Variants in ATP9A observed in about 807,000 individuals in gnomAD.
The protein encoded by ATP9A is probable phospholipid-transporting ATPase IIA.
A neutral mutation model predicts 144.1 loss-of-function variants in ATP9A; 52 were observed. The ratio of observed to expected loss-of-function variants is 0.36; its 90% CI spans 0.29 to 0.45. The LOEUF is 0.45. Among genes scored for constraint, ATP9A ranks in the 20% least tolerant of loss-of-function variants. The probability of loss-of-function intolerance (pLI) is 1.00; values close to 1 mark genes in which losing one functional copy is unlikely to be tolerated. For missense variants in ATP9A, 947 were observed against 1,392.7 expected (o/e 0.68, Z 5.09); for synonymous variants, 582 against 557.4 (o/e 1.04, Z -0.62).
intron 14 of ATP9A, among the ~76,000 whole-genome samples, chr20:51,649,029 A>C (rs1247253537): frequency 6.6e-6 from 1 of 152,116 alleles, no homozygotes. Flanking sequence ...GCTTATTTTC[A>C]CCAAGCTCGG....
Position 51,746,874 on chromosome 20 carries a change from C to T in ATP9A, c.69-16896G>A, listed in dbSNP as rs906768629. Among the ~76,000 whole-genome samples, 8 of 151,074 alleles carry T rather than the reference C, an allele frequency of 5.3e-5. No individual in the cohort carries two copies. The East Asian group carries it at 9.8e-4, about 18-fold the overall frequency. On this transcript the variant is annotated intron_variant, in intron 1 of 27. Transcript: ENST00000338821. ...AACAAAAATCAATCAGGTGTGGTGG[C>T]GCACGCCCGTAATCCCAGCTACTCC...
chr20:51,629,613 T>C (rs951941987), intron 15 of ATP9A, among the ~76,000 whole-genome samples: 13 of 152,236 alleles, frequency 8.5e-5, no homozygotes, highest in African/African-American at 3.1e-4. Flanking sequence ...CTCTAGACTT[T>C]AGCAAATGTC....
intron 14 of ATP9A, among the ~76,000 whole-genome samples, chr20:51,655,269 T>C (rs748456301): frequency 1.3e-5 from 2 of 152,080 alleles, no homozygotes; most frequent in Non-Finnish European, 2.9e-5. Context: ...AATAGGAAAA[T>C]TCACGTTTTA....
intron 13 of ATP9A, among the ~76,000 whole-genome samples, chr20:51,668,166 A>G: frequency 2.4e-5 from 1 of 40,918 alleles, no homozygotes; most frequent in Admixed American, 3.1e-4. Context: ...GGAAGGGAAG[A>G]AAGGGAGAAG....
In ATP9A at chr20:51,762,333, T is replaced by G. The variant is rs531195487; in HGVS notation, c.68+5969A>C. Among the ~76,000 whole-genome samples, 51 of 152,164 alleles carry G rather than the reference T, an allele frequency of 3.4e-4. No homozygotes were observed. The South Asian group carries it at 0.01, about 31-fold the overall frequency. The stretch of plus-strand genomic sequence containing the variant: ...GGTCAACACGGTGAAACCCCATCTC[T>G]ACTAAAAATACAATTAGCTGGGCGT... On this transcript the variant is annotated intron_variant, in intron 1 of 27. Coordinates refer to ENST00000338821, the MANE Select transcript of ATP9A (RefSeq NM_006045.3).
At chr20:51,684,153 A>G (rs2122806424) in intron 9 of ATP9A, among the ~76,000 whole-genome samples, 1 of 152,218 alleles carries the variant, frequency 6.6e-6, no homozygotes, top group Admixed American at 6.5e-5. Flanking sequence ...TCTCTGCACA[A>G]CAACCTGGGT....
chr20:51,618,578 C>G (rs1023309960), intron 21 of ATP9A, 84 bp downstream of exon 21: 2 of 1,505,694 alleles, frequency 1.3e-6, no homozygotes, highest in Middle Eastern at 2.5e-4. Context: ...GAAGAAAGAG[C>G]AGCAGTGTCC....
chr20:51,664,680 G>A (rs973999376), intron 13 of ATP9A, among the ~76,000 whole-genome samples: 2 of 151,860 alleles, frequency 1.3e-5, no homozygotes, highest in South Asian at 2.1e-4. Context: ...ACATATACTT[G>A]GGGTAAGGAA....
At chr20:51,674,771 G>C (rs186469360) in intron 10 of ATP9A, among the ~76,000 whole-genome samples, 1 of 152,056 alleles carries the variant, frequency 6.6e-6, no homozygotes. Context: ...AGTCTGGGGC[G>C]CACACCAGTG....
At chr20:51,722,473 A>G (rs58855365) in intron 3 of ATP9A, among the ~76,000 whole-genome samples, 2,334 of 152,316 alleles carry the variant, frequency 0.015, 56 homozygotes, top group African/African-American at 0.051. Flanking sequence ...CAGAATCTAC[A>G]AAGAACTCAA....
At chr20:51,710,647 C>T (rs140145234) in intron 4 of ATP9A, among the ~76,000 whole-genome samples, 12 of 151,786 alleles carry the variant, frequency 7.9e-5, no homozygotes, top group African/African-American at 2.4e-4. Flanking sequence ...ATATTCAGAA[C>T]TGTGTTCTGT....
At chr20:51,760,081 C>T (rs2122918439) in intron 1 of ATP9A, among the ~76,000 whole-genome samples, 1 of 152,152 alleles carries the variant, frequency 6.6e-6, no homozygotes, top group South Asian at 2.1e-4. Context: ...TTGTGCTTTT[C>T]CCTGATGGTT....
intron 4 of ATP9A, among the ~76,000 whole-genome samples, chr20:51,702,771 T>C (rs2077599504): frequency 6.6e-6 from 1 of 151,952 alleles, no homozygotes; most frequent in Admixed American, 6.5e-5. Context: ...ACGAACATTG[T>C]TGCAAAAAAG....
At chr20:51,744,653 T>TAACA (rs2077799849) in intron 1 of ATP9A, among the ~76,000 whole-genome samples, 1 of 152,178 alleles carries the variant, frequency 6.6e-6, no homozygotes, top group African/African-American at 2.4e-5. Context: ...GTAACTAATG[T>TAACA]AACAAGGAGT....
chr20:51,703,792 A>AT (rs1428450141), intron 4 of ATP9A, among the ~76,000 whole-genome samples: 1 of 152,094 alleles, frequency 6.6e-6, no homozygotes. Context: ...GTGTGGGCCT[A>AT]TTTTTTGACC....
chr20:51,666,041 C>T (rs1194073039), intron 13 of ATP9A, among the ~76,000 whole-genome samples: 4 of 152,184 alleles, frequency 2.6e-5, no homozygotes, highest in Non-Finnish European at 5.9e-5. Flanking sequence ...AAGGACCGGA[C>T]CTGACAAGTA....
Position 51,676,098 on chromosome 20 carries a change from AG to A in ATP9A, c.876+33del, listed in dbSNP as rs773885921. On this transcript the variant is annotated intron_variant, in intron 10 of 27. Coordinates refer to ENST00000338821, the MANE Select transcript of ATP9A (RefSeq NM_006045.3). The stretch of plus-strand genomic sequence containing the variant: ...CACCCACCAGAACCAACCAGCCCAC[AG>A]CCGGTCAATGTACCCCATGACCTCG... 1.1e-5 allele frequency: 17 copies of A among 1,568,850 alleles called. 1 individual carries two copies. The highest frequency in any genetic ancestry group is 1.4e-5 in the African/African-American group (1 of 73,656).
At chr20:51,763,177 C>A (rs953255280) in intron 1 of ATP9A, among the ~76,000 whole-genome samples, 1 of 152,098 alleles carries the variant, frequency 6.6e-6, no homozygotes, top group Admixed American at 6.6e-5. Flanking sequence ...TTGCCTGGGA[C>A]TGGGGCAAGG....
chr20:51,626,265 G>T (rs2077248097), intron 17 of ATP9A, among the ~76,000 whole-genome samples: 1 of 152,204 alleles, frequency 6.6e-6, no homozygotes, highest in South Asian at 2.1e-4. Context: ...GAGGCAGGCA[G>T]ATCACCTGAG....
Sources: gnomAD v4.1 joint callset for allele counts (sites outside exome capture counted in the v4.1 genomes callset) on GRCh38, gnomAD v4.1.1 for gene constraint, MANE v1.5 for transcripts, NCBI Gene and HGNC (gene_info 2026-07-23, HGNC 2026-07-21) for gene names.